Variants in SYT1 observed in about 807,000 individuals in gnomAD.
SYT1 encodes synaptotagmin 1.
A neutral mutation model predicts 44.8 loss-of-function variants in SYT1; 8 were observed. The ratio of observed to expected loss-of-function variants is 0.18; its 90% CI spans 0.10 to 0.32. The LOEUF is 0.32. Among genes scored for constraint, SYT1 ranks in the 10% least tolerant of loss-of-function variants. SYT1 has a pLI of 1.00. For synonymous variants in SYT1, 154 were observed against 188.8 expected, an observed-to-expected ratio of 0.82 and a Z score of 1.51; for missense variants, 286 against 509.3, an observed-to-expected ratio of 0.56 and a Z score of 4.22.
intron 3 of SYT1, among the ~76,000 whole-genome samples, chr12:79,195,883 A>G (rs1873421974): frequency 6.6e-6 from 1 of 152,202 alleles, no homozygotes; most frequent in African/African-American, 2.4e-5. Context: ...TCGCATTTCA[A>G]CTACTGTATC....
At chr12:78,953,230 G>A (rs2222008) in intron 1 of SYT1, among the ~76,000 whole-genome samples, 14,194 of 151,996 alleles carry the variant, frequency 0.093, 953 homozygotes, top group East Asian at 0.3. Flanking sequence ...ATTAAAGGAT[G>A]AGAATAGGAA....
intron 4 of SYT1, among the ~76,000 whole-genome samples, chr12:79,270,948 T>C (rs539848203): frequency 1.3e-5 from 2 of 152,202 alleles, no homozygotes; most frequent in African/African-American, 2.4e-5. Flanking sequence ...TAGAACCGCA[T>C]AGAGCCTGCC....
intron 4 of SYT1, 36 bp from the exon 5 acceptor site, chr12:79,285,751 G>C: frequency 6.7e-7 from 1 of 1,492,390 alleles, no homozygotes; most frequent in South Asian, 1.2e-5. Context: ...ACATCTAAGT[G>C]TTGTATGACT....
rs1263499363 is a variant in SYT1 at position 78,889,432 on chromosome 12, A to G, written c.-217+24323A>G. Reference sequence around the variant, plus strand: ...AAATGAAGCTGACACCATAAATGACAGTATAAAAATAAAGGTGAAATGCTC... The same window carrying G: ...AAATGAAGCTGACACCATAAATGACGGTATAAAAATAAAGGTGAAATGCTC... On this transcript the variant is annotated intron_variant, in intron 1 of 10. Coordinates refer to ENST00000261205, the MANE Select transcript of SYT1 (RefSeq NM_005639.3). 2.0e-5 allele frequency among the ~76,000 whole-genome samples: 3 copies of G among 152,128 alleles called. 1 individual carries two copies. Among genetic ancestry groups the G allele is most frequent in the Non-Finnish European group, 4.4e-5 (3 of 67,958 alleles).
intron 1 of SYT1, among the ~76,000 whole-genome samples, chr12:78,921,853 G>A (rs1173113964): frequency 6.6e-6 from 1 of 151,922 alleles, no homozygotes; most frequent in East Asian, 1.9e-4. Context: ...AAAAGATGAT[G>A]AGGATGAGGT....
At chr12:78,884,286 T>C (rs952796384) in intron 1 of SYT1, among the ~76,000 whole-genome samples, 1 of 151,652 alleles carries the variant, frequency 6.6e-6, no homozygotes, top group South Asian at 2.1e-4. Context: ...TTTAAATGTA[T>C]AGTTATATAT....
At chr12:79,353,707 T>C (rs1732664) in intron 9 of SYT1, 88 bp downstream of exon 9, 652,504 of 920,446 alleles carry the variant, frequency 0.71, 234,323 homozygotes, top group African/African-American at 0.94. Context: ...ACTCCCCACT[T>C]CTTAATTGAT....
chr12:78,957,386 T>C (rs141945001), intron 1 of SYT1, among the ~76,000 whole-genome samples: 1 of 152,318 alleles, frequency 6.6e-6, no homozygotes, highest in African/African-American at 2.4e-5. Flanking sequence ...AAGTGCTTTC[T>C]AAGTATTTTA....
chr12:79,122,008 T>C (rs536198866), intron 3 of SYT1, among the ~76,000 whole-genome samples: 5 of 152,280 alleles, frequency 3.3e-5, no homozygotes, highest in Admixed American at 1.3e-4. Flanking sequence ...TTAATGAAAA[T>C]ATTCTGCTCT....
intron 4 of SYT1, among the ~76,000 whole-genome samples, chr12:79,256,529 A>G (rs1877527550): frequency 6.6e-6 from 1 of 152,218 alleles, no homozygotes; most frequent in Admixed American, 6.5e-5. Flanking sequence ...TATGTGCTAA[A>G]AATTACATGA....
chr12:79,147,296 T>C (rs1325188589), intron 3 of SYT1, among the ~76,000 whole-genome samples: 1 of 152,224 alleles, frequency 6.6e-6, no homozygotes, highest in Non-Finnish European at 1.5e-5. Flanking sequence ...TCTTAGCTAT[T>C]ATCTCCTTTA....
At chr12:79,201,092 T>A (rs1267568428) in intron 3 of SYT1, among the ~76,000 whole-genome samples, 1 of 152,110 alleles carries the variant, frequency 6.6e-6, no homozygotes, top group Non-Finnish European at 1.5e-5. Flanking sequence ...GTTGATGCCA[T>A]GGAGCCTCTA....
intron 1 of SYT1, among the ~76,000 whole-genome samples, chr12:78,927,731 T>G (rs1439081484): frequency 1.3e-5 from 2 of 152,188 alleles, no homozygotes; most frequent in Non-Finnish European, 1.5e-5. Flanking sequence ...GATATCAGGA[T>G]AATTTAAGGC....
intron 2 of SYT1, among the ~76,000 whole-genome samples, chr12:79,005,995 G>C (rs1475407152): frequency 6.6e-6 from 1 of 152,040 alleles, no homozygotes; most frequent in African/African-American, 2.4e-5. Context: ...GTTTTGCATT[G>C]AAAGTGTTTG....
intron 2 of SYT1, among the ~76,000 whole-genome samples, chr12:79,004,997 A>C (rs1156483814): frequency 2.0e-5 from 3 of 152,088 alleles, no homozygotes; most frequent in Admixed American, 2.0e-4. Context: ...GTTTCATAGA[A>C]GGTAACTTGA....
intron 1 of SYT1, among the ~76,000 whole-genome samples, chr12:78,916,026 G>T (rs1179027067): frequency 6.6e-6 from 1 of 151,960 alleles, no homozygotes; most frequent in African/African-American, 2.4e-5. Context: ...GGATGTTTTT[G>T]TACCTAAATG....
At chr12:79,266,088 A>G (rs990866374) in intron 4 of SYT1, among the ~76,000 whole-genome samples, 1 of 152,208 alleles carries the variant, frequency 6.6e-6, no homozygotes, top group Non-Finnish European at 1.5e-5. Context: ...ATAGGTAAAC[A>G]ATATTTGAAG....
At chr12:79,402,570 A>G (rs970756107) in intron 9 of SYT1, among the ~76,000 whole-genome samples, 5 of 152,164 alleles carry the variant, frequency 3.3e-5, no homozygotes, top group African/African-American at 1.2e-4. Flanking sequence ...AGCCCCCTAC[A>G]TTCAATCACA....
intron 8 of SYT1, among the ~76,000 whole-genome samples, chr12:79,324,391 G>T (rs534410011): frequency 6.6e-6 from 1 of 152,172 alleles, no homozygotes; most frequent in African/African-American, 2.4e-5. Context: ...GTTCTGCCAC[G>T]AGTTATCAGA....
Sources: allele counts gnomAD v4.1 joint callset (sites outside exome capture counted in the v4.1 genomes callset), GRCh38; gene constraint gnomAD v4.1.1; transcripts MANE v1.5; gene names NCBI Gene and HGNC (gene_info 2026-07-23, HGNC 2026-07-21).